DNA2: variants seen among roughly 807,000 people sequenced by gnomAD.
DNA2 encodes the protein DNA replication helicase/nuclease 2, also known as DNA replication ATP-dependent helicase/nuclease DNA2.
In DNA2, 101 loss-of-function variants were observed where a neutral mutation model predicts 119.1. The ratio of observed to expected loss-of-function variants is 0.85; its 90% CI spans 0.72 to 1.00. DNA2 has a LOEUF of 1.00. Ranked by LOEUF, DNA2 falls within the 50% of genes least tolerant of loss-of-function variation. The pLI, the probability that DNA2 is intolerant of heterozygous loss-of-function variation, is 0.00. For missense variants in DNA2, 1,121 were observed against 1,255.5 expected (o/e 0.89, Z 1.62); for synonymous variants, 366 against 424.4 (o/e 0.86, Z 1.69).
At chr10:68,467,550 ATTT>A (rs543842956) in intron 3 of DNA2, among the ~76,000 whole-genome samples, 129 of 152,120 alleles carry the variant, frequency 8.5e-4, no homozygotes, top group African/African-American at 3.0e-3. Context: ...TCCAAAATAC[ATTT>A]TTGTTTGTTT....
chr10:68,458,971 T>C (rs759063135), intron 5 of DNA2, 133 bp downstream of exon 5: 65 of 766,798 alleles, frequency 8.5e-5, no homozygotes, highest in Admixed American at 1.1e-4. Context: ...CTTAGGACCA[T>C]AATTTATAAA....
chr10:68,419,301 T>C, intron 18 of DNA2, 88 bp from the exon 19 acceptor site: 1 of 1,029,072 alleles, frequency 9.7e-7, no homozygotes, highest in South Asian at 2.1e-5. Context: ...TTACATTATG[T>C]GCCCAACTGA....
chr10:68,416,317 T>C (rs1248441355), intron 20 of DNA2, among the ~76,000 whole-genome samples: 1 of 151,614 alleles, frequency 6.6e-6, no homozygotes, highest in Middle Eastern at 3.2e-3. Context: ...AATACAAAAA[T>C]TAGCTGGGCA....
In DNA2 at chr10:68,444,322, G is replaced by A. The variant is rs537947860; in HGVS notation, c.1220+599C>T. ...GGAGAATCGCTTGAACTAGGGAGGC[G>A]GAGGTTGCAGTGAGCCGAGATCATG... On this transcript the variant is annotated intron_variant, in intron 8 of 20. Coordinates refer to ENST00000358410, the MANE Select transcript of DNA2 (RefSeq NM_001080449.3). Among the ~76,000 whole-genome samples the A allele has an allele frequency of 3.0e-4, 45 of 151,604 alleles. No individual in the cohort carries two copies. The South Asian group carries it at 3.1e-3, about 11-fold the overall frequency.
intron 6 of DNA2, 29 bp downstream of exon 6, chr10:68,449,999 A>G: frequency 6.8e-7 from 1 of 1,461,874 alleles, no homozygotes; most frequent in Non-Finnish European, 9.3e-7. Context: ...AAAGTATAAA[A>G]CAGACAATTT....
At position 68,419,200 on chromosome 10, in the gene DNA2, G is replaced by T; in HGVS notation, c.2801C>A (p.Pro934His). 1.3e-6 allele frequency: 2 copies of T among 1,584,098 alleles called. No homozygotes were observed. Among genetic ancestry groups the T allele is most frequent in the Non-Finnish European group, 1.7e-6 (2 of 1,168,792 alleles). ...CGGTGCAATAATACCAATATCAGAG[G>T]GACTGCATCCAGCCTAAATAGAAAA... ...TSIFVKAGCS[P>H]SDIGIIAPYR... Residue 934 changes from proline to histidine, a missense_variant, in exon 19 of 21, where the codon CCC (proline) becomes CAC (histidine). Transcript: ENST00000358410.
chr10:68,424,310 C>T (rs1006250616), intron 14 of DNA2, among the ~76,000 whole-genome samples: 2 of 152,088 alleles, frequency 1.3e-5, no homozygotes, highest in Non-Finnish European at 2.9e-5. Flanking sequence ...TTGAGACCAG[C>T]CCGAGCAACA....
chr10:68,426,573 C>A (rs1385992639), intron 14 of DNA2, among the ~76,000 whole-genome samples: 2 of 151,362 alleles, frequency 1.3e-5, no homozygotes, highest in East Asian at 3.9e-4. Context: ...TGGTGGCTCA[C>A]ACCTGTAATC....
chr10:68,424,309 G>A (rs952129214), intron 14 of DNA2, among the ~76,000 whole-genome samples: 2 of 152,116 alleles, frequency 1.3e-5, no homozygotes, highest in Non-Finnish European at 2.9e-5. Flanking sequence ...TTTGAGACCA[G>A]CCCGAGCAAC....
Position 68,469,999 on chromosome 10 carries a change from C to T in DNA2, c.239G>A (p.Cys80Tyr). 6.2e-7 allele frequency: 1 copy of T among 1,604,512 alleles called. No individual in the cohort carries two copies. Among genetic ancestry groups the T allele is most frequent in the East Asian group, 2.2e-5 (1 of 44,834 alleles). Residue 80 changes from cysteine to tyrosine, a missense_variant, in exon 2 of 21, where the codon TGC becomes TAC. By Grantham distance (194) the Cys-to-Tyr change is radical (BLOSUM62 -2). Transcript: ENST00000358410. ...ASQSLENKEL[C>Y]ILRNDWCSVP... ...AAATTACCAGTCATTCCTAAGGATGCATAGTTCTTTATTTTCTAGTGACTG... is the reference window on the plus strand; with the variant it reads ...AAATTACCAGTCATTCCTAAGGATGTATAGTTCTTTATTTTCTAGTGACTG...
intron 5 of DNA2, among the ~76,000 whole-genome samples, chr10:68,458,881 C>T (rs562888011): frequency 1.7e-4 from 26 of 152,088 alleles, no homozygotes; most frequent in African/African-American, 6.3e-4. Context: ...AAATACATAT[C>T]TACATATAGA....
intron 17 of DNA2, among the ~76,000 whole-genome samples, chr10:68,421,819 T>TA (rs200190055): frequency 1.4e-5 from 2 of 138,890 alleles, no homozygotes; most frequent in African/African-American, 6.0e-5. Context: ...GTTTTGCCTT[T>TA]TTTTTTCCCC....
intron 6 of DNA2, among the ~76,000 whole-genome samples, chr10:68,447,369 T>G (rs2052054010): frequency 1.3e-5 from 2 of 150,986 alleles, no homozygotes; most frequent in South Asian, 2.1e-4. Context: ...AATACAAAAA[T>G]TAGCCGGGTG....
At chr10:68,431,807 T>C (rs1469628271) in intron 13 of DNA2, 55 bp downstream of exon 13, 1 of 1,191,614 alleles carries the variant, frequency 8.4e-7, no homozygotes, top group Non-Finnish European at 1.2e-6. Context: ...TCCTCTGAAC[T>C]GAGGAGAAGC....
intron 13 of DNA2, among the ~76,000 whole-genome samples, chr10:68,431,190 A>G (rs2051815081): frequency 6.8e-6 from 1 of 147,136 alleles, no homozygotes. Context: ...CGCCTGGCTC[A>G]CGTTAACAAG....
intron 14 of DNA2, among the ~76,000 whole-genome samples, chr10:68,423,973 AT>A (rs1215074280): frequency 6.6e-6 from 1 of 152,262 alleles, no homozygotes; most frequent in Non-Finnish European, 1.5e-5. Flanking sequence ...CAATAAAAAA[AT>A]CAATAATTAA....
At chr10:68,446,047 C>G (rs1056383348) in intron 7 of DNA2, among the ~76,000 whole-genome samples, 14 of 152,026 alleles carry the variant, frequency 9.2e-5, no homozygotes, top group African/African-American at 3.4e-4. Flanking sequence ...TCGATTCAAC[C>G]CAGAAGGTGG....
At chr10:68,436,328 C>T (rs911943502) in intron 10 of DNA2, among the ~76,000 whole-genome samples, 57 of 152,108 alleles carry the variant, frequency 3.7e-4, no homozygotes, top group Non-Finnish European at 5.9e-4. Flanking sequence ...CAAAAGGTCA[C>T]GTATTGTATG....
chr10:68,420,018 G>C, intron 17 of DNA2, 126 bp from the exon 18 acceptor site: 1 of 767,732 alleles, frequency 1.3e-6, no homozygotes, highest in Non-Finnish European at 2.1e-6. Flanking sequence ...AAAGATGAAG[G>C]TGAAAGAATC....
Sources: gnomAD v4.1 joint callset for allele counts (sites outside exome capture counted in the v4.1 genomes callset) on GRCh38, gnomAD v4.1.1 for gene constraint, MANE v1.5 for transcripts, NCBI Gene and HGNC (gene_info 2026-07-23, HGNC 2026-07-21) for gene names.